The following ASB1 variants were observed in gnomAD, a reference collection of about 807,000 sequenced individuals.
The protein encoded by ASB1 is ankyrin repeat and SOCS box protein 1.
A neutral mutation model predicts 27.7 loss-of-function variants in ASB1; 18 were observed. The ratio of observed to expected loss-of-function variants is 0.65; its 90% confidence interval spans 0.45 to 0.96. ASB1 has a LOEUF of 0.96. Among genes scored for constraint, ASB1 ranks in the 50% least tolerant of loss-of-function variants. ASB1 has a pLI of 0.00. For synonymous variants in ASB1, 189 were observed against 187.6 expected (o/e 1.01, Z -0.06); for missense variants, 397 against 451.7 (o/e 0.88, Z 1.10).
At position 238,427,048 on chromosome 2, in the gene ASB1, C is replaced by T. The variant is rs758562718; in HGVS notation, c.-23C>T. On this transcript the variant is annotated 5_prime_UTR_variant, in exon 1 of 5. Transcript: ENST00000264607. ...CCGAGGGGCGTGCGCGGGTCAGGGG[C>T]GGCCGCGGAGGCGGAAGCATCCATG... 27 of 1,258,334 alleles carry T rather than the reference C, an allele frequency of 2.1e-5. No individual in the cohort carries two copies. The South Asian group carries it at 6.2e-4, about 29-fold the overall frequency. 77.9% of individuals were successfully genotyped at this position (1,258,334 alleles called of 1,614,324 possible).
chr2:238,431,995 T>A (rs1701879537), intron 1 of ASB1, among the ~76,000 whole-genome samples: 1 of 152,216 alleles, frequency 6.6e-6, no homozygotes, highest in African/African-American at 2.4e-5. Context: ...CCAAAAGACT[T>A]GCTCAGCACA....
chr2:238,440,425 G>A (rs1702057021), intron 3 of ASB1, among the ~76,000 whole-genome samples: 1 of 152,066 alleles, frequency 6.6e-6, no homozygotes, highest in African/African-American at 2.4e-5. Context: ...TCTGCCTTTC[G>A]CGTTTACTAT....
rs567140433 is a variant in ASB1, at chr2:238,450,032, G to C, written c.*3521G>C. On this transcript the variant is annotated 3_prime_UTR_variant, in exon 5 of 5. Transcript: ENST00000264607. The stretch of plus-strand genomic sequence containing the variant: ...GCTTCCTGCTGTGCCTTTCTGGCAG[G>C]GTTTTGTGGGGTCACATGGGAAGCA... 6.6e-6 allele frequency: 1 copy of C among 152,298 alleles called. No homozygotes were observed. Among genetic ancestry groups the C allele is most frequent in the South Asian group, 2.1e-4 (1 of 4,836 alleles). The allele number at this position is 152,298 out of a possible 1,614,324, so 9.4% of individuals were successfully genotyped here.
Position 238,449,205 on chromosome 2 carries a change from CT to C in ASB1, c.*2702del, listed in dbSNP as rs141575501. 1 of 152,194 alleles carries C rather than the reference CT, an allele frequency of 6.6e-6. No homozygotes were observed. The allele number at this position is 152,194 out of a possible 1,614,324, so 9.4% of individuals were successfully genotyped here. A position where few individuals can be genotyped will look rare whatever the true frequency, so the allele number is the denominator to read the frequency against. On this transcript the variant is annotated 3_prime_UTR_variant, in exon 5 of 5. Transcript: ENST00000264607. Reference sequence around the variant, plus strand: ...CATTGCCTTCCTTCACTAAAGCTCCCTTTTTTTTCTGTTGGCAAGGACAGGT... The same window carrying C: ...CATTGCCTTCCTTCACTAAAGCTCCCTTTTTTTCTGTTGGCAAGGACAGGT...
intron 1 of ASB1, 84 bp downstream of exon 1, chr2:238,427,203 C>T (rs1029316513): frequency 6.6e-6 from 7 of 1,066,250 alleles, no homozygotes; most frequent in Non-Finnish European, 8.3e-6. Flanking sequence ...GGTCCTGCGT[C>T]CTCGTCCCGG....
At chr2:238,434,686 T>C (rs1701933796) in intron 2 of ASB1, among the ~76,000 whole-genome samples, 1 of 152,178 alleles carries the variant, frequency 6.6e-6, no homozygotes, top group Admixed American at 6.5e-5. Context: ...CGCACAGATA[T>C]TTAAAGTGGG....
rs530116513 is a variant in ASB1, at chr2:238,449,699, A to G, written c.*3188A>G. 3.3e-4 allele frequency: 50 copies of G among 152,332 alleles called. No homozygotes were observed. Among genetic ancestry groups the G allele is most frequent in the African/African-American group, 1.2e-3 (48 of 41,574 alleles). The allele number at this position is 152,332 out of a possible 1,614,324, so 9.4% of individuals were successfully genotyped here. ...TTCCAGAAAAGTGTTTAAGGCAACA[A>G]TGCTTGTTTTTTGGTGTTTTCTTTT... On this transcript the variant is annotated 3_prime_UTR_variant, in exon 5 of 5. Coordinates refer to ENST00000264607, the MANE Select transcript of ASB1 (RefSeq NM_001040445.3).
intron 3 of ASB1, among the ~76,000 whole-genome samples, chr2:238,443,593 G>A (rs914924491): frequency 5.3e-5 from 8 of 152,208 alleles, no homozygotes; most frequent in South Asian, 2.1e-4. Context: ...AGCTTTGGCC[G>A]GAGTGCTTCT....
rs1702273743 is a variant in ASB1 at position 238,451,049 on chromosome 2, T to G, written c.*4538T>G. 1 of 151,434 alleles carries G rather than the reference T, an allele frequency of 6.6e-6. No homozygotes were observed. The highest frequency in any genetic ancestry group is 2.4e-5 in the African/African-American group (1 of 41,168). The allele number at this position is 151,434 out of a possible 1,614,324, so 9.4% of individuals were successfully genotyped here. ...AATGAACGCTCCAAACCCGAACCTC[T>G]CAGTGTGGAATGAACGCTCCAAACC... On this transcript the variant is annotated 3_prime_UTR_variant, in exon 5 of 5. Transcript: ENST00000264607.
chr2:238,451,131 G>A lies in ASB1; in HGVS notation c.*4620G>A, dbSNP rs1702276885. The A allele has an allele frequency of 6.6e-6, 1 of 150,786 alleles. No homozygotes were observed. The highest frequency in any genetic ancestry group is 1.5e-5 in the Non-Finnish European group (1 of 67,518). The allele number at this position is 150,786 out of a possible 1,614,324, so 9.3% of individuals were successfully genotyped here. ...GATGTGTACATGATGCACGTGGGTGGGATTCACATCCCAGGAGAATTCCAC... is the reference window on the plus strand; with the variant it reads ...GATGTGTACATGATGCACGTGGGTGAGATTCACATCCCAGGAGAATTCCAC... On this transcript the variant is annotated 3_prime_UTR_variant, in exon 5 of 5. Coordinates refer to ENST00000264607, the MANE Select transcript of ASB1 (RefSeq NM_001040445.3).
chr2:238,442,074 G>A (rs895944060), intron 3 of ASB1, among the ~76,000 whole-genome samples: 1 of 151,320 alleles, frequency 6.6e-6, no homozygotes. Context: ...GAGGCTGAGT[G>A]TGTTTTCATG....
chr2:238,432,287 A>G (rs1701885052), intron 1 of ASB1, among the ~76,000 whole-genome samples: 1 of 152,224 alleles, frequency 6.6e-6, no homozygotes, highest in South Asian at 2.1e-4. Context: ...ACAAAATCCC[A>G]AAGAAATGGG....
chr2:238,433,797 G>T, intron 2 of ASB1, 102 bp downstream of exon 2: 1 of 1,382,466 alleles, frequency 7.2e-7, no homozygotes, highest in Non-Finnish European at 9.9e-7. Flanking sequence ...TTGATGTTGG[G>T]AGGAATGTGT....
intron 4 of ASB1, 29 bp from the exon 5 acceptor site, chr2:238,446,355 A>C (rs751770809): frequency 6.4e-7 from 1 of 1,563,206 alleles, no homozygotes; most frequent in South Asian, 1.2e-5. Context: ...ACCTTCCTCT[A>C]TCCCTCTCTT....
intron 2 of ASB1, 132 bp from the exon 3 acceptor site, chr2:238,435,579 A>G (rs770205397): frequency 3.3e-5 from 31 of 926,542 alleles, no homozygotes; most frequent in Non-Finnish European, 4.0e-5. Flanking sequence ...AGCATTTCAG[A>G]AGGCAGAGCC....
chr2:238,435,983 G>A lies in ASB1; in HGVS notation c.464G>A (p.Gly155Asp). 1 of 1,613,430 alleles carries A rather than the reference G, an allele frequency of 6.2e-7. No homozygotes were observed. The highest frequency in any genetic ancestry group is 8.5e-7 in the Non-Finnish European group (1 of 1,179,860). Residue 155 changes from glycine (G) to aspartate (D), a missense_variant, in exon 3 of 5, where the codon GGC becomes GAC. Coordinates refer to ENST00000264607, the MANE Select transcript of ASB1 (RefSeq NM_001040445.3). ...CCTGTCTACCACGCCTCTCGCGTGG[G>A]CCGGGCAGACATCCTGAAGGCCCTC... ...STPVYHASRV[G>D]RADILKALIR...
intron 1 of ASB1, among the ~76,000 whole-genome samples, chr2:238,429,303 C>G (rs1701822282): frequency 6.6e-6 from 1 of 152,174 alleles, no homozygotes; most frequent in Admixed American, 6.5e-5. Flanking sequence ...TCCAAGTGGT[C>G]TGAGTTTTTG....
intron 3 of ASB1, among the ~76,000 whole-genome samples, chr2:238,440,250 G>A (rs1283150071): frequency 1.3e-5 from 2 of 152,200 alleles, no homozygotes; most frequent in East Asian, 1.9e-4. Flanking sequence ...GACACTAGGA[G>A]TGCCTATTGC....
rs1559410723 is a variant in ASB1 at position 238,427,043 on chromosome 2, A to T, written c.-28A>T. 5 of 1,257,130 alleles carry T rather than the reference A, an allele frequency of 4.0e-6. No homozygotes were observed. The highest frequency in any genetic ancestry group is 3.2e-5 in the East Asian group (1 of 31,430). The allele number at this position is 1,257,130 out of a possible 1,614,324, so 77.9% of individuals were successfully genotyped here. A position where few individuals can be genotyped will look rare whatever the true frequency, so the allele number is the denominator to read the frequency against. ...CCTGCCCGAGGGGCGTGCGCGGGTC[A>T]GGGGCGGCCGCGGAGGCGGAAGCAT... On this transcript the variant is annotated 5_prime_UTR_variant, in exon 1 of 5. Coordinates refer to ENST00000264607, the MANE Select transcript of ASB1 (RefSeq NM_001040445.3).
Sources: gnomAD v4.1 joint callset for allele counts (sites outside exome capture counted in the v4.1 genomes callset) on GRCh38, gnomAD v4.1.1 for gene constraint, MANE v1.5 for transcripts, NCBI Gene and HGNC (gene_info 2026-07-23, HGNC 2026-07-21) for gene names.